XNDC1N: variants seen among roughly 807,000 people sequenced by gnomAD.
The protein encoded by XNDC1N is XRCC1 N-terminal domain containing 1, N-terminal like, also known as protein XNDC1N.
chr11:71,872,448 A>G, the XNDC1N span, among the ~76,000 whole-genome samples: 1 of 152,168 alleles, frequency 6.6e-6, no homozygotes, highest in Non-Finnish European at 1.5e-5. Context: ...CTGTAATCTC[A>G]TTTATTCTTA....
the XNDC1N span, chr11:71,904,028 C>A: frequency 3.9e-6 from 2 of 510,598 alleles, no homozygotes; most frequent in Non-Finnish European, 7.8e-6. Flanking sequence ...GTGATGTACA[C>A]GGTGGTCACC....
At chr11:71,887,786 A>C in the XNDC1N span, among the ~76,000 whole-genome samples, 3 of 152,192 alleles carry the variant, frequency 2.0e-5, no homozygotes, top group Non-Finnish European at 4.4e-5. Flanking sequence ...AGCTAAACTG[A>C]CTTTCCATCC....
At chr11:71,895,091 C>T in the XNDC1N span, among the ~76,000 whole-genome samples, 1 of 148,840 alleles carries the variant, frequency 6.7e-6, no homozygotes, top group Non-Finnish European at 1.5e-5. Context: ...TTCTGATTTC[C>T]TTGCACCTGT....
the XNDC1N span, chr11:71,893,676 T>G: frequency 3.0e-5 from 40 of 1,322,330 alleles, no homozygotes; most frequent in African/African-American, 4.4e-5. Context: ...TGTGCTGGGC[T>G]GACACCGGTT....
chr11:71,904,363 T>C, the XNDC1N span, among the ~76,000 whole-genome samples: 3 of 152,264 alleles, frequency 2.0e-5, no homozygotes, highest in African/African-American at 7.2e-5. Flanking sequence ...TACTGTGTGA[T>C]ATGAGGAGTC....
chr11:71,891,289 A>T, the XNDC1N span, among the ~76,000 whole-genome samples: 1 of 150,296 alleles, frequency 6.7e-6, no homozygotes, highest in Non-Finnish European at 1.5e-5. Flanking sequence ...GGCTGTGGAA[A>T]CCCCCTGCGG....
the XNDC1N span, among the ~76,000 whole-genome samples, chr11:71,896,945 G>T: frequency 1.3e-5 from 2 of 152,196 alleles, no homozygotes; most frequent in Admixed American, 1.3e-4. Context: ...ATGTTCACAT[G>T]ATTTTTCACG....
the XNDC1N span, chr11:71,903,418 C>T: frequency 2.9e-5 from 36 of 1,249,348 alleles, 1 homozygote; most frequent in Middle Eastern, 5.7e-4. Flanking sequence ...CACCTCCACA[C>T]GGTCCCCAAG....
chr11:71,887,714 T>C, the XNDC1N span, among the ~76,000 whole-genome samples: 10 of 152,302 alleles, frequency 6.6e-5, no homozygotes, highest in East Asian at 5.8e-4. Flanking sequence ...TCCCCTCCTG[T>C]CTGTTCCCAA....
chr11:71,909,840 T>G, the XNDC1N span, among the ~76,000 whole-genome samples: 6 of 152,180 alleles, frequency 3.9e-5, no homozygotes, highest in Non-Finnish European at 7.4e-5. Context: ...TGAGAGCCAC[T>G]ATCTCTTTGA....
chr11:71,891,970 C>T, the XNDC1N span, among the ~76,000 whole-genome samples: 3 of 151,818 alleles, frequency 2.0e-5, no homozygotes, highest in African/African-American at 7.3e-5. Flanking sequence ...AATATCCCGG[C>T]GGGAGGTGGT....
chr11:71,876,170 T>A, the XNDC1N span, among the ~76,000 whole-genome samples: 1 of 152,222 alleles, frequency 6.6e-6, no homozygotes, highest in African/African-American at 2.4e-5. Flanking sequence ...AAATTGTTTA[T>A]TGAAAATCTG....
At chr11:71,872,202 T>A in the XNDC1N span, among the ~76,000 whole-genome samples, 2 of 152,182 alleles carry the variant, frequency 1.3e-5, no homozygotes, top group African/African-American at 4.8e-5. Flanking sequence ...AGTCTTCAGA[T>A]TAAAATGTAG....
chr11:71,920,572 T>G, the XNDC1N span, among the ~76,000 whole-genome samples: 8 of 152,150 alleles, frequency 5.3e-5, no homozygotes, highest in Non-Finnish European at 8.8e-5. Flanking sequence ...CCCAAAGTGC[T>G]GGGATTACAG....
At chr11:71,901,250 C>T in the XNDC1N span, among the ~76,000 whole-genome samples, 1 of 152,106 alleles carries the variant, frequency 6.6e-6, no homozygotes, top group African/African-American at 2.4e-5. Context: ...AGCTGGAAAG[C>T]GTTTCAAAAA....
the XNDC1N span, among the ~76,000 whole-genome samples, chr11:71,870,400 G>T: frequency 6.6e-6 from 1 of 152,148 alleles, no homozygotes; most frequent in South Asian, 2.1e-4. Context: ...GCTGGTACCA[G>T]GCTCCTGGCT....
chr11:71,868,288 G>A, the XNDC1N span, among the ~76,000 whole-genome samples: 1 of 152,148 alleles, frequency 6.6e-6, no homozygotes, highest in Non-Finnish European at 1.5e-5. Flanking sequence ...TATGTTCAAG[G>A]TTAATATTGC....
the XNDC1N span, among the ~76,000 whole-genome samples, chr11:71,905,406 T>G: frequency 6.6e-6 from 1 of 151,638 alleles, no homozygotes; most frequent in Admixed American, 6.6e-5. Flanking sequence ...CCCCTGTGAC[T>G]TTAAAAGTAA....
At chr11:71,889,916 G>A in the XNDC1N span, among the ~76,000 whole-genome samples, 12 of 152,236 alleles carry the variant, frequency 7.9e-5, no homozygotes, top group Admixed American at 5.2e-4. Flanking sequence ...GTGCTTCTTC[G>A]TGATCTGATT....
Sources: gnomAD v4.1 joint callset for allele counts (sites outside exome capture counted in the v4.1 genomes callset) on GRCh38, gnomAD v4.1.1 for gene constraint, MANE v1.5 for transcripts, NCBI Gene and HGNC (gene_info 2026-07-23, HGNC 2026-07-21) for gene names.